SLC44A5: variants seen among roughly 807,000 people sequenced by gnomAD.
SLC44A5 encodes choline transporter-like protein 5.
In SLC44A5, 57 loss-of-function variants were observed where a neutral mutation model predicts 101.8. That is an observed-to-expected ratio of 0.56 (90% CI 0.45 to 0.70). The LOEUF is 0.70. Among genes scored for constraint, SLC44A5 ranks in the 30% least tolerant of loss-of-function variants. SLC44A5 has a pLI of 0.00. For missense variants in SLC44A5, 737 were observed against 853.1 expected (o/e 0.86, Z 1.70); for synonymous variants, 281 against 290.9 (o/e 0.97, Z 0.35).
At chr1:75,677,725 G>C in the SLC44A5 span, 1 of 439,832 alleles carries the variant, frequency 2.3e-6, no homozygotes, top group Admixed American at 2.6e-5. Context: ...GCAATCATCT[G>C]TTACCTATAA....
chr1:75,597,407 T>C (rs756457179), intron 1 of SLC44A5, among the ~76,000 whole-genome samples: 3 of 152,088 alleles, frequency 2.0e-5, no homozygotes, highest in African/African-American at 7.2e-5. Flanking sequence ...GCTAATCCTA[T>C]TAAACTAACA....
chr1:75,538,587 A>G (rs1454614342), intron 2 of SLC44A5, among the ~76,000 whole-genome samples: 1 of 152,230 alleles, frequency 6.6e-6, no homozygotes, highest in Admixed American at 6.5e-5. Flanking sequence ...GTGTGCTTTT[A>G]GACATACTAT....
chr1:75,214,102 G>A (rs978870101), intron 20 of SLC44A5, 113 bp from the exon 21 acceptor site: 37 of 694,694 alleles, frequency 5.3e-5, no homozygotes, highest in Non-Finnish European at 5.5e-5. Context: ...TGCTGAAATT[G>A]TATTTGGCAA....
intron 2 of SLC44A5, among the ~76,000 whole-genome samples, chr1:75,479,793 T>C (rs1667709225): frequency 6.6e-6 from 1 of 152,186 alleles, no homozygotes; most frequent in African/African-American, 2.4e-5. Context: ...CAGGACCAGA[T>C]GGATTCACAG....
chr1:75,546,028 C>T (rs1432054615), intron 1 of SLC44A5, among the ~76,000 whole-genome samples: 2 of 151,890 alleles, frequency 1.3e-5, no homozygotes, highest in African/African-American at 4.8e-5. Context: ...CCCTATGTTA[C>T]CCAAGATGGT....
chr1:75,616,381 C>T, the SLC44A5 span, among the ~76,000 whole-genome samples: 1 of 152,212 alleles, frequency 6.6e-6, no homozygotes, highest in Non-Finnish European at 1.5e-5. Flanking sequence ...GGAGAGACCG[C>T]GGCCATCTGG....
chr1:75,208,454 C>T (rs1008483533), intron 23 of SLC44A5, among the ~76,000 whole-genome samples: 7 of 151,964 alleles, frequency 4.6e-5, no homozygotes, highest in African/African-American at 7.3e-5. Context: ...CCACCATGCC[C>T]GGCAAAACAA....
chr1:75,682,585 A>G, the SLC44A5 span, among the ~76,000 whole-genome samples: 7 of 151,894 alleles, frequency 4.6e-5, no homozygotes, highest in Non-Finnish European at 8.8e-5. Context: ...CCTTCCTTAC[A>G]CCTTATACAA....
At chr1:75,281,302 C>T (rs1146453) in intron 5 of SLC44A5, among the ~76,000 whole-genome samples, 51,931 of 151,826 alleles carry the variant, frequency 0.34, 10,589 homozygotes, top group East Asian at 0.87. Context: ...GCATTTTGCC[C>T]CTGCCCTAGA....
chr1:75,309,261 C>T (rs114422817), intron 4 of SLC44A5, among the ~76,000 whole-genome samples: 3,242 of 152,232 alleles, frequency 0.021, 114 homozygotes, highest in African/African-American at 0.074. Flanking sequence ...CTGGGCAACA[C>T]AGTGAGACCT....
intron 1 of SLC44A5, among the ~76,000 whole-genome samples, chr1:75,568,251 T>C (rs1175820525): frequency 1.3e-5 from 2 of 152,174 alleles, no homozygotes; most frequent in African/African-American, 4.8e-5. Context: ...CAATAAAGAA[T>C]GATTACTTTC....
intron 7 of SLC44A5, among the ~76,000 whole-genome samples, chr1:75,243,597 T>C (rs182878666): frequency 6.6e-6 from 1 of 152,198 alleles, no homozygotes; most frequent in East Asian, 1.9e-4. Context: ...TAAATCAACA[T>C]GTAGTTGTGA....
intron 16 of SLC44A5, 55 bp downstream of exon 16, chr1:75,219,202 A>G: frequency 8.3e-7 from 1 of 1,205,512 alleles, no homozygotes; most frequent in Non-Finnish European, 1.2e-6. Flanking sequence ...TACAAAATGA[A>G]TTGCAGCAGA....
chr1:75,300,014 C>CAAAAAAAAAAAAAAA (rs35608663), intron 5 of SLC44A5, among the ~76,000 whole-genome samples: 7 of 93,780 alleles, frequency 7.5e-5, no homozygotes, highest in African/African-American at 3.8e-4. Flanking sequence ...GACTCTGTCT[C>CAAAAAAAAAAAAAAA]AAAAAAAAAA....
At chr1:75,264,544 C>T (rs548773547) in intron 6 of SLC44A5, among the ~76,000 whole-genome samples, 4 of 152,210 alleles carry the variant, frequency 2.6e-5, no homozygotes, top group South Asian at 4.1e-4. Flanking sequence ...TTCTGAATGA[C>T]CGTTAGGTCA....
chr1:75,546,579 T>A (rs211768), intron 1 of SLC44A5, among the ~76,000 whole-genome samples: 144,553 of 152,036 alleles, frequency 0.95, 68,760 homozygotes, highest in East Asian at 0.98. Context: ...TTTTCTTTAA[T>A]TTTTACATTT....
At chr1:75,666,782 A>G in the SLC44A5 span, among the ~76,000 whole-genome samples, 12 of 152,230 alleles carry the variant, frequency 7.9e-5, no homozygotes, top group Admixed American at 2.6e-4. Flanking sequence ...CTGGTTCAAC[A>G]TACACAAGTC....
intron 10 of SLC44A5, 99 bp downstream of exon 10, chr1:75,238,414 G>T: frequency 7.7e-6 from 2 of 258,480 alleles, no homozygotes; most frequent in Non-Finnish European, 1.3e-5. Flanking sequence ...ATATATATAT[G>T]TGATTATTTT....
At chr1:75,331,446 C>G (rs78317694) in intron 4 of SLC44A5, among the ~76,000 whole-genome samples, 16,967 of 152,106 alleles carry the variant, frequency 0.11, 1,287 homozygotes, top group Non-Finnish European at 0.17. Flanking sequence ...CCCTCTACCA[C>G]CAAAGCATAT....
Sources: gnomAD v4.1 joint callset for allele counts (sites outside exome capture counted in the v4.1 genomes callset) on GRCh38, gnomAD v4.1.1 for gene constraint, MANE v1.5 for transcripts, NCBI Gene and HGNC (gene_info 2026-07-23, HGNC 2026-07-21) for gene names.